Variants in CCDC14 observed in about 807,000 individuals in gnomAD.
CCDC14 encodes coiled-coil domain-containing protein 14.
In CCDC14, 71 loss-of-function variants were observed where a neutral mutation model predicts 81.4. The observed-to-expected ratio is 0.87, with a 90% CI of 0.72 to 1.06. The LOEUF (loss-of-function observed/expected upper bound fraction) is 1.06, where lower values mean the gene tolerates loss of function less well. Among genes scored for constraint, CCDC14 ranks in the 50% least tolerant of loss-of-function variants. CCDC14 has a pLI of 0.00. For missense variants in CCDC14, 1,046 were observed against 1,047.3 expected (o/e 1.00, Z 0.02); for synonymous variants, 332 against 364.8 (o/e 0.91, Z 1.03).
intron 10 of CCDC14, 127 bp downstream of exon 10, chr3:123,933,546 T>A: frequency 1.1e-5 from 7 of 660,996 alleles, no homozygotes; most frequent in South Asian, 1.0e-4. Context: ...TGACAGCATC[T>A]TTTATTTTCT....
At chr3:123,902,761 T>C (rs550961596) in intron 5 of CCDC14, among the ~76,000 whole-genome samples, 40 of 152,194 alleles carry the variant, frequency 2.6e-4, no homozygotes, top group Non-Finnish European at 5.3e-4. Flanking sequence ...TAATGAATAA[T>C]TATTGTTAAT....
chr3:123,932,620 T>C (rs2035802783), intron 10 of CCDC14, among the ~76,000 whole-genome samples: 1 of 152,186 alleles, frequency 6.6e-6, no homozygotes, highest in Non-Finnish European at 1.5e-5. Flanking sequence ...TTTGAGTCTT[T>C]GTCAGGCTTA....
rs58380799 is a variant in CCDC14 at position 123,936,917 on chromosome 3, A to C, written c.1344-3162T>G. 5.4e-3 allele frequency among the ~76,000 whole-genome samples: 824 copies of C among 152,210 alleles called. 4 individuals are homozygous for C. The highest frequency in any genetic ancestry group is 0.017 in the African/African-American group (713 of 41,564). On this transcript the variant is annotated intron_variant, in intron 9 of 12. Coordinates refer to ENST00000409697, the MANE Select transcript of CCDC14 (RefSeq NM_001366335.1). ...TTTCATAACTCTCTCCTCCCAGATAAGCACTTATTTATAGTTTGCATATTC... is the reference window on the plus strand; with the variant it reads ...TTTCATAACTCTCTCCTCCCAGATACGCACTTATTTATAGTTTGCATATTC...
chr3:123,944,859 G>A lies in CCDC14; in HGVS notation c.1333C>T (p.Gln445Ter), dbSNP rs1183260664. 1 of 1,609,590 alleles carries A rather than the reference G, an allele frequency of 6.2e-7. No homozygotes were observed. Among genetic ancestry groups the A allele is most frequent in the African/African-American group, 1.3e-5 (1 of 74,782 alleles). Residue 445 changes from glutamine (Q) to a stop codon, truncating the protein, a stop_gained, in exon 9 of 13, where the codon CAG (glutamine) becomes TAG (stop). Transcript: ENST00000409697. LOFTEE classifies it high-confidence loss of function. ...AMQPLRSENA[Q>*]LRRQLRILNQ... ...AAGAGCAATTCTTACCTTCGTAACT[G>A]AGCATTCTCACTTCTTAATGGTTGC... is the stretch of plus-strand genomic sequence containing the variant.
chr3:123,947,763 A>T lies in CCDC14; in HGVS notation c.685-444T>A, dbSNP rs531111451. Among the ~76,000 whole-genome samples the T allele has an allele frequency of 3.3e-5, 5 of 152,156 alleles. No individual in the cohort carries two copies. In the East Asian group the frequency reaches 9.6e-4, roughly 29 times the overall value. ...GAATCTTTATTGCACTGAGGAAAAA[A>T]ATCCAACTTACTTTTAAGCTAAAAA... On this transcript the variant is annotated intron_variant, in intron 7 of 12. Transcript: ENST00000409697.
rs1577313659 is a variant in CCDC14 at position 123,946,369 on chromosome 3, A to G, written c.1201+434T>C. 2.6e-5 allele frequency among the ~76,000 whole-genome samples: 4 copies of G among 152,292 alleles called. No homozygotes were observed. In the South Asian group the frequency reaches 8.3e-4, roughly 32 times the overall value. ...TAAGAAGGTATGCGTTACTTCTCAA[A>G]GTGAGATTTGTTAAACAATCTAACA... On this transcript the variant is annotated intron_variant, in intron 8 of 12. Transcript: ENST00000409697.
chr3:123,893,713 C>T (rs2034021283), downstream of CCDC14, among the ~76,000 whole-genome samples: 1 of 151,930 alleles, frequency 6.6e-6, no homozygotes, highest in African/African-American at 2.4e-5. Flanking sequence ...CCAGTTTTTC[C>T]ATATTCTCAT....
chr3:123,946,163 G>A (rs2036612907), intron 8 of CCDC14, among the ~76,000 whole-genome samples: 1 of 151,172 alleles, frequency 6.6e-6, no homozygotes, highest in Admixed American at 6.6e-5. Context: ...CAAACGTTAG[G>A]TATTCAATCA....
At chr3:123,938,846 C>A (rs1388903273) in intron 9 of CCDC14, among the ~76,000 whole-genome samples, 2 of 151,816 alleles carry the variant, frequency 1.3e-5, no homozygotes, top group Non-Finnish European at 2.9e-5. Context: ...GCAAATATTT[C>A]TTTACTTCAA....
intron 5 of CCDC14, among the ~76,000 whole-genome samples, chr3:123,898,495 CTG>C (rs1407612654): frequency 1.3e-5 from 2 of 152,150 alleles, no homozygotes; most frequent in Non-Finnish European, 2.9e-5. Flanking sequence ...GTTGGAGAGA[CTG>C]TGAGCTGTGA....
chr3:123,913,830 CT>C lies in CCDC14; in HGVS notation c.*948del. The C allele has an allele frequency of 2.0e-6, 2 of 985,250 alleles. No individual in the cohort carries two copies. Among genetic ancestry groups the C allele is most frequent in the South Asian group, 9.4e-5 (2 of 21,276 alleles). 61.0% of individuals were successfully genotyped at this position (985,250 alleles called of 1,614,324 possible). A position where few individuals can be genotyped will look rare whatever the true frequency, so the allele number is the denominator to read the frequency against. ...TAGTGATAACACAACATTCAGCTTC[CT>C]AAGAGTTAAAACGTGCTGCTTACAT... On this transcript the variant is annotated 3_prime_UTR_variant, in exon 13 of 13. Transcript: ENST00000409697.
At chr3:123,885,476 C>T in the CCDC14 span, among the ~76,000 whole-genome samples, 1 of 79,308 alleles carries the variant, frequency 1.3e-5, no homozygotes, top group Non-Finnish European at 3.2e-5. Context: ...CCTCCCCCCA[C>T]TCTTTTTTTT....
chr3:123,915,905 A>G (rs1309964443), intron 12 of CCDC14, among the ~76,000 whole-genome samples, 187 bp from the exon 13 acceptor site: 1 of 152,166 alleles, frequency 6.6e-6, no homozygotes, highest in Admixed American at 6.5e-5. Context: ...TAAAATAACA[A>G]TGATAAAATA....
downstream of CCDC14, among the ~76,000 whole-genome samples, chr3:123,893,300 C>G (rs1216523758): frequency 6.6e-6 from 1 of 152,102 alleles, no homozygotes; most frequent in African/African-American, 2.4e-5. Flanking sequence ...TTTGCCTATT[C>G]TAGATACCCC....
At chr3:123,936,517 T>C (rs2036065653) in intron 9 of CCDC14, among the ~76,000 whole-genome samples, 1 of 152,100 alleles carries the variant, frequency 6.6e-6, no homozygotes, top group African/African-American at 2.4e-5. Flanking sequence ...TAAAAAAGAA[T>C]GAGATCATGT....
chr3:123,935,519 A>T (rs1420995979), intron 9 of CCDC14, among the ~76,000 whole-genome samples: 1 of 152,264 alleles, frequency 6.6e-6, no homozygotes, highest in Admixed American at 6.5e-5. Context: ...GAAACAACTT[A>T]AAATGCTACA....
Position 123,937,628 on chromosome 3 carries a change from T to A in CCDC14, c.1344-3873A>T, listed in dbSNP as rs184332299. ...CAGTCTGTTGGTTGCTTCTTCATTT[T>A]TAATAAGTGTTTTTTGAAGAACTGA... On this transcript the variant is annotated intron_variant, in intron 9 of 12. Transcript: ENST00000409697. Among the ~76,000 whole-genome samples the A allele has an allele frequency of 2.2e-3, 330 of 152,096 alleles. 2 individuals are homozygous for A. The highest frequency in any genetic ancestry group is 3.4e-3 in the Middle Eastern group (1 of 292).
At position 123,956,874 on chromosome 3, in the gene CCDC14, T is replaced by C. The variant is rs554486784; in HGVS notation, c.31-79A>G. The stretch of plus-strand genomic sequence containing the variant: ...AATATGCTATCTTGACAAAATTTAA[T>C]GTCATTTTTTTCTTTTATTCATCTT... On this transcript the variant is annotated intron_variant, in intron 1 of 12. Coordinates refer to ENST00000409697, the MANE Select transcript of CCDC14 (RefSeq NM_001366335.1). 3.1e-5 allele frequency: 29 copies of C among 933,668 alleles called. 1 individual carries two copies. The South Asian group carries it at 4.2e-4, about 13-fold the overall frequency. The allele number at this position is 933,668 out of a possible 1,614,324, so 57.8% of individuals were successfully genotyped here.
At chr3:123,938,573 A>T (rs372577152) in intron 9 of CCDC14, among the ~76,000 whole-genome samples, 1 of 151,866 alleles carries the variant, frequency 6.6e-6, no homozygotes, top group African/African-American at 2.4e-5. Context: ...TTCCTTTCCA[A>T]TGTGGCTGGC....
Sources: allele counts gnomAD v4.1 joint callset (sites outside exome capture counted in the v4.1 genomes callset), GRCh38; gene constraint gnomAD v4.1.1; transcripts MANE v1.5; gene names NCBI Gene and HGNC (gene_info 2026-07-23, HGNC 2026-07-21).